TPD52: variants seen among roughly 807,000 people sequenced by gnomAD.
TPD52 encodes prostate and colon associated protein.
In TPD52, 17 loss-of-function variants were observed where a neutral mutation model predicts 31.3. That is an observed-to-expected ratio of 0.54 (90% CI 0.37 to 0.82). The LOEUF is 0.82. TPD52 is among the 40% of genes least tolerant of loss of function. The pLI is 0.00. For synonymous variants in TPD52, 83 were observed against 89.6 expected, an observed-to-expected ratio of 0.93 and a Z score of 0.42; for missense variants, 212 against 240.1, an observed-to-expected ratio of 0.88 and a Z score of 0.77.
intron 1 of TPD52, among the ~76,000 whole-genome samples, chr8:80,152,741 ACTT>A (rs1233569049): frequency 6.9e-6 from 1 of 144,886 alleles, no homozygotes; most frequent in Non-Finnish European, 1.5e-5. Flanking sequence ...AGATTGCGCC[ACTT>A]CACTCCAGCC....
chr8:80,165,235 G>A (rs2131274417), intron 1 of TPD52, among the ~76,000 whole-genome samples: 1 of 152,276 alleles, frequency 6.6e-6, no homozygotes, highest in South Asian at 2.1e-4. Context: ...ACATGGCAAG[G>A]GAAAGCAAAC....
chr8:80,102,619 A>G (rs1806824892), intron 1 of TPD52, among the ~76,000 whole-genome samples: 2 of 152,170 alleles, frequency 1.3e-5, no homozygotes. Context: ...ATTGCAAAAT[A>G]TATATTTGGT....
At chr8:80,063,670 G>A (rs1812789866) in intron 2 of TPD52, among the ~76,000 whole-genome samples, 2 of 151,624 alleles carry the variant, frequency 1.3e-5, no homozygotes. Flanking sequence ...AGTGGCAGAC[G>A]CCTGTAATCC....
rs183446425 is a variant in TPD52 at position 80,161,046 on chromosome 8, A to T, written c.19+10379T>A. On this transcript the variant is annotated intron_variant, in intron 1 of 7. Coordinates refer to ENST00000518937, the MANE Select transcript of TPD52 (RefSeq NM_001025253.3). ...CACTCCACTGCACTCCAGCCTGGGC[A>T]ACAGAGCGAGACTCTGTCTCAAAAA... is the stretch of plus-strand genomic sequence containing the variant. Among the ~76,000 whole-genome samples the T allele has an allele frequency of 4.1e-3, 619 of 152,240 alleles. 1 individual carries two copies. Among genetic ancestry groups the T allele is most frequent in the Non-Finnish European group, 7.4e-3 (500 of 67,994 alleles).
intron 1 of TPD52, among the ~76,000 whole-genome samples, chr8:80,145,880 G>C (rs1448239545): frequency 6.6e-6 from 1 of 152,176 alleles, no homozygotes; most frequent in African/African-American, 2.4e-5. Context: ...TTTGGAAGGG[G>C]AGGAGGAGTG....
intron 7 of TPD52, among the ~76,000 whole-genome samples, chr8:80,039,306 C>T (rs1389893213): frequency 6.6e-6 from 1 of 152,294 alleles, no homozygotes; most frequent in East Asian, 1.9e-4. Flanking sequence ...ACAACTAGCC[C>T]CTTCTCTATT....
intron 2 of TPD52, among the ~76,000 whole-genome samples, chr8:80,058,654 T>C (rs867085938): frequency 6.6e-6 from 1 of 152,066 alleles, no homozygotes; most frequent in Non-Finnish European, 1.5e-5. Context: ...AGAAATTAGC[T>C]GGGCATGGTG....
At chr8:80,057,570 G>T (rs960349547) in intron 2 of TPD52, among the ~76,000 whole-genome samples, 5 of 152,138 alleles carry the variant, frequency 3.3e-5, no homozygotes, top group Admixed American at 6.5e-5. Context: ...CACAAAAATG[G>T]AAAACCAAAT....
At chr8:80,055,658 T>C (rs1047295990) in intron 2 of TPD52, among the ~76,000 whole-genome samples, 1 of 152,058 alleles carries the variant, frequency 6.6e-6, no homozygotes, top group Non-Finnish European at 1.5e-5. Flanking sequence ...GGGACTAATA[T>C]CCAAAATATA....
chr8:80,149,182 G>A (rs1810405655), intron 1 of TPD52, among the ~76,000 whole-genome samples: 1 of 152,184 alleles, frequency 6.6e-6, no homozygotes, highest in African/African-American at 2.4e-5. Context: ...TTGTGGGAGG[G>A]ACCCAGTGGG....
Position 80,072,798 on chromosome 8 carries a change from C to CACAT in TPD52, c.20-8206_20-8205insATGT, listed in dbSNP as rs977939775. On this transcript the variant is annotated intron_variant, in intron 1 of 7. Transcript: ENST00000518937. ...ATATATACACATACACACACACACACATATATATATATATATAAACTTGGC... is the reference window on the plus strand; with the variant it reads ...ATATATACACATACACACACACACACACATATATATATATATATATAAACTTGGC... Among the ~76,000 whole-genome samples the CACAT allele has an allele frequency of 4.3e-5, 6 of 141,046 alleles. 1 individual carries two copies. The highest frequency in any genetic ancestry group is 1.8e-4 in the African/African-American group (6 of 33,280). 92.5% of individuals were successfully genotyped at this position (141,046 alleles called of 152,430 possible). A position where few individuals can be genotyped will look rare whatever the true frequency, so the allele number is the denominator to read the frequency against.
At chr8:80,151,483 C>A (rs1810563565) in intron 1 of TPD52, among the ~76,000 whole-genome samples, 1 of 152,172 alleles carries the variant, frequency 6.6e-6, no homozygotes, top group Non-Finnish European at 1.5e-5. Context: ...TGCACTAGGA[C>A]CCAAAAGCCA....
chr8:80,050,366 A>G (rs1390022257), intron 5 of TPD52, 79 bp downstream of exon 5: 4 of 1,404,718 alleles, frequency 2.8e-6, no homozygotes, highest in Middle Eastern at 1.8e-4. Flanking sequence ...CGATCATCCA[A>G]CGTAGCATGG....
intron 1 of TPD52, among the ~76,000 whole-genome samples, chr8:80,170,627 TG>T (rs1350916695): frequency 5.3e-5 from 8 of 152,206 alleles, no homozygotes; most frequent in African/African-American, 1.9e-4. Flanking sequence ...TCAGCATTTA[TG>T]TATCTTTTTA....
At chr8:80,168,310 T>G (rs529862104) in intron 1 of TPD52, among the ~76,000 whole-genome samples, 1 of 152,352 alleles carries the variant, frequency 6.6e-6, no homozygotes, top group African/African-American at 2.4e-5. Flanking sequence ...ACAGATTTTT[T>G]GATAACTTCA....
chr8:80,160,034 T>TA (rs1356301657), intron 1 of TPD52, among the ~76,000 whole-genome samples: 2 of 151,712 alleles, frequency 1.3e-5, no homozygotes, highest in Non-Finnish European at 2.9e-5. Context: ...TTACAAACAA[T>TA]AAAAAAATTA....
intron 5 of TPD52, among the ~76,000 whole-genome samples, chr8:80,047,638 T>C (rs1810998127): frequency 6.6e-6 from 1 of 152,214 alleles, no homozygotes; most frequent in Admixed American, 6.5e-5. Context: ...AAATTGGGAA[T>C]ATGGGCATGA....
chr8:80,164,898 C>CAAAAAAAAAAAAAAAAAAAA (rs34027501), intron 1 of TPD52, among the ~76,000 whole-genome samples: 1 of 31,904 alleles, frequency 3.1e-5, no homozygotes, highest in African/African-American at 1.1e-4. Context: ...GACAATGTCT[C>CAAAAAAAAAAAAAAAAAAAA]AAAAAAAAAA....
At chr8:80,115,613 T>A (rs917698174) in intron 1 of TPD52, among the ~76,000 whole-genome samples, 2 of 152,178 alleles carry the variant, frequency 1.3e-5, no homozygotes, top group Non-Finnish European at 2.9e-5. Context: ...AGGGCAGACC[T>A]TACAGACTAA....
Sources: allele counts gnomAD v4.1 joint callset (sites outside exome capture counted in the v4.1 genomes callset), GRCh38; gene constraint gnomAD v4.1.1; transcripts MANE v1.5; gene names NCBI Gene and HGNC (gene_info 2026-07-23, HGNC 2026-07-21).